Variants in ANXA4 observed in about 807,000 individuals in gnomAD.
The protein encoded by ANXA4 is annexin A4.
Under a neutral mutation model 49.8 loss-of-function variants are expected in ANXA4, and 39 were observed. That is an observed-to-expected ratio of 0.78 (90% CI 0.61 to 1.02). The LOEUF is 1.02. ANXA4 is among the 50% of genes least tolerant of loss of function. The pLI is 0.00. For missense variants in ANXA4, 360 were observed against 410.1 expected (o/e 0.88, Z 1.05); for synonymous variants, 134 against 152.5 (o/e 0.88, Z 0.89).
At chr2:69,737,277 C>T (rs1304459149), upstream of ANXA4, among the ~76,000 whole-genome samples, 1 of 152,150 alleles carries the variant, frequency 6.6e-6, no homozygotes, top group Non-Finnish European at 1.5e-5. Flanking sequence ...ACAATGTTGC[C>T]TTGGTGTGGT....
intron 3 of ANXA4, among the ~76,000 whole-genome samples, chr2:69,799,743 CAGT>C (rs1190174416): frequency 1.3e-5 from 2 of 152,188 alleles, no homozygotes; most frequent in Non-Finnish European, 2.9e-5. Context: ...GACCTTGTCT[CAGT>C]AGACTTTTGG....
chr2:69,799,265 G>T (rs1349676057), intron 3 of ANXA4, among the ~76,000 whole-genome samples: 1 of 152,058 alleles, frequency 6.6e-6, no homozygotes, highest in African/African-American at 2.4e-5. Flanking sequence ...GCAGGCATCC[G>T]CCCCATGAGT....
At chr2:69,746,530 CTTG>C (rs745338069) in intron 1 of ANXA4, among the ~76,000 whole-genome samples, 111 of 152,158 alleles carry the variant, frequency 7.3e-4, no homozygotes, top group South Asian at 8.3e-4. Flanking sequence ...CTATCTAAGG[CTTG>C]TTGTTGGTTT....
intron 1 of ANXA4, among the ~76,000 whole-genome samples, chr2:69,647,175 C>G (rs1023734566): frequency 4.6e-5 from 7 of 152,076 alleles, no homozygotes; most frequent in African/African-American, 9.7e-5. Context: ...ACTTTTTCCT[C>G]CCTCTAAATA....
chr2:69,649,499 A>G (rs1030079391), intron 1 of ANXA4, among the ~76,000 whole-genome samples: 3 of 151,218 alleles, frequency 2.0e-5, no homozygotes, highest in Non-Finnish European at 4.4e-5. Context: ...GTTGCTTAGT[A>G]ATCAGTGCTT....
chr2:69,770,953 G>A (rs1477209323), intron 1 of ANXA4, among the ~76,000 whole-genome samples: 1 of 150,916 alleles, frequency 6.6e-6, no homozygotes, highest in African/African-American at 2.4e-5. Flanking sequence ...AATTAGCTGG[G>A]CGTGGTGGCA....
chr2:69,756,950 C>CTTT (rs1671061308), intron 1 of ANXA4, among the ~76,000 whole-genome samples: 1 of 124,316 alleles, frequency 8.0e-6, no homozygotes, highest in African/African-American at 3.0e-5. Context: ...TTTTTTTAGA[C>CTTT]AGAGTCTCAC....
chr2:69,736,026 G>A (rs1670235782), intron 3 of ANXA4, among the ~76,000 whole-genome samples: 1 of 152,162 alleles, frequency 6.6e-6, no homozygotes, highest in East Asian at 1.9e-4. Flanking sequence ...CAGGGCTGCT[G>A]TACTTATATA....
At chr2:69,727,449 T>G (rs1338882346) in intron 3 of ANXA4, among the ~76,000 whole-genome samples, 1 of 152,202 alleles carries the variant, frequency 6.6e-6, no homozygotes, top group Non-Finnish European at 1.5e-5. Context: ...CATTCTGGTG[T>G]GTGCAGCAGT....
At chr2:69,689,505 T>C (rs1677894012) in intron 2 of ANXA4, among the ~76,000 whole-genome samples, 1 of 152,220 alleles carries the variant, frequency 6.6e-6, no homozygotes, top group African/African-American at 2.4e-5. Context: ...AAATTACTTA[T>C]TTGCTTTATT....
chr2:69,729,263 C>A (rs1176898224), intron 3 of ANXA4, among the ~76,000 whole-genome samples: 1 of 150,094 alleles, frequency 6.7e-6, no homozygotes, highest in Admixed American at 6.6e-5. Flanking sequence ...ATCCACCTGC[C>A]TCAGCCTCCC....
At chr2:69,810,697 G>A (rs774095757) in intron 7 of ANXA4, 24 bp downstream of exon 7, 19 of 1,602,316 alleles carry the variant, frequency 1.2e-5, no homozygotes, top group Non-Finnish European at 1.6e-5. Context: ...TCTGATGGGG[G>A]GCGGGTTTTA....
At chr2:69,824,789 C>T (rs557403129) in intron 12 of ANXA4, among the ~76,000 whole-genome samples, 5 of 152,180 alleles carry the variant, frequency 3.3e-5, no homozygotes, top group South Asian at 2.1e-4. Flanking sequence ...GGCCCTAGCA[C>T]GGTTGCTCAC....
chr2:69,762,669 C>A (rs13012793), intron 1 of ANXA4, among the ~76,000 whole-genome samples: 2 of 151,986 alleles, frequency 1.3e-5, no homozygotes, highest in East Asian at 1.9e-4. Flanking sequence ...ATCATGCCTC[C>A]TTGAATCTAC....
chr2:69,804,259 G>A (rs1673341365), intron 3 of ANXA4, among the ~76,000 whole-genome samples: 1 of 152,068 alleles, frequency 6.6e-6, no homozygotes, highest in Non-Finnish European at 1.5e-5. Context: ...AGCCTATCGA[G>A]GGAAATCACT....
chr2:69,688,150 A>G (rs906365972), intron 2 of ANXA4, among the ~76,000 whole-genome samples: 1 of 152,100 alleles, frequency 6.6e-6, no homozygotes, highest in African/African-American at 2.4e-5. Flanking sequence ...TTTCCCTTTC[A>G]TTATTTATTT....
chr2:69,672,318 G>A (rs2105343459), intron 2 of ANXA4, among the ~76,000 whole-genome samples: 1 of 149,564 alleles, frequency 6.7e-6, no homozygotes. Flanking sequence ...TGCAACCTCT[G>A]CCTCTTGGGT....
intron 1 of ANXA4, among the ~76,000 whole-genome samples, chr2:69,647,417 T>TTTA (rs1435209935): frequency 2.0e-5 from 3 of 146,394 alleles, no homozygotes; most frequent in African/African-American, 7.5e-5. Flanking sequence ...TATTTATTTA[T>TTTA]TTATTTTTTG....
At chr2:69,731,047 G>A (rs1382908503) in intron 3 of ANXA4, among the ~76,000 whole-genome samples, 1 of 152,200 alleles carries the variant, frequency 6.6e-6, no homozygotes, top group Admixed American at 6.5e-5. Flanking sequence ...AAGCCACGAT[G>A]TCACTATTTA....
Sources: gnomAD v4.1 joint callset for allele counts (sites outside exome capture counted in the v4.1 genomes callset) on GRCh38, gnomAD v4.1.1 for gene constraint, MANE v1.5 for transcripts, NCBI Gene and HGNC (gene_info 2026-07-23, HGNC 2026-07-21) for gene names.